CIB2: variants seen among roughly 807,000 people sequenced by gnomAD.
CIB2 encodes calcium and integrin-binding family member 2.
A neutral mutation model predicts 23.1 loss-of-function variants in CIB2; 19 were observed. The observed-to-expected ratio is 0.82, with a 90% confidence interval of 0.57 to 1.21. CIB2 has a LOEUF of 1.21. Among genes scored for constraint, CIB2 ranks in the 50% most tolerant of loss-of-function variants. The pLI is 0.00. For synonymous variants in CIB2, 94 were observed against 91.7 expected, an observed-to-expected ratio of 1.03 and a Z score of -0.14; for missense variants, 220 against 241.5, an observed-to-expected ratio of 0.91 and a Z score of 0.59.
At chr15:78,128,906 G>A (rs2074416943) in intron 1 of CIB2, among the ~76,000 whole-genome samples, 1 of 152,170 alleles carries the variant, frequency 6.6e-6, no homozygotes, top group Non-Finnish European at 1.5e-5. Flanking sequence ...CTGAGTCACA[G>A]GCCTTGTTCT....
At chr15:78,117,246 C>CAAAAAAAAAAAAA (rs60332437) in intron 2 of CIB2, among the ~76,000 whole-genome samples, 1,525 of 55,246 alleles carry the variant, frequency 0.028, 278 homozygotes, top group East Asian at 0.14. Flanking sequence ...AAGCTACTGG[C>CAAAAAAAAAAAAA]AAAAAAAAAA....
intron 4 of CIB2, among the ~76,000 whole-genome samples, chr15:78,107,641 C>A (rs920108668): frequency 1.2e-4 from 18 of 152,312 alleles, no homozygotes; most frequent in Admixed American, 2.6e-4. Context: ...TGTGCCCACC[C>A]GGTCCATGCG....
intron 1 of CIB2, among the ~76,000 whole-genome samples, chr15:78,126,782 C>G (rs372534880): frequency 4.6e-5 from 7 of 152,202 alleles, no homozygotes; most frequent in African/African-American, 1.7e-4. Flanking sequence ...GTTTTAACAT[C>G]ACTGACAAAA....
chr15:78,123,261 T>C (rs1464416972), intron 2 of CIB2, among the ~76,000 whole-genome samples: 2 of 152,030 alleles, frequency 1.3e-5, no homozygotes, highest in African/African-American at 2.4e-5. Context: ...GGACCCCTGG[T>C]CTAACAGACA....
intron 1 of CIB2, among the ~76,000 whole-genome samples, chr15:78,126,718 G>A (rs2074386341): frequency 6.6e-6 from 1 of 152,176 alleles, no homozygotes; most frequent in Admixed American, 6.5e-5. Context: ...CAGAGTCCCT[G>A]CCTAGTCTTA....
chr15:78,125,895 C>A (rs78582832), intron 1 of CIB2, among the ~76,000 whole-genome samples: 3,836 of 152,244 alleles, frequency 0.025, 168 homozygotes, highest in African/African-American at 0.089. Flanking sequence ...GTGGTCCCAA[C>A]GTGCAACCCA....
At position 78,110,836 on chromosome 15, in the gene CIB2, A is replaced by AG. The variant is rs566402401; in HGVS notation, c.198+328_198+329insC. The stretch of plus-strand genomic sequence containing the variant: ...CTCAGTGAGAAGCCACAGCCAGACA[A>AG]CGGGGAGACAGAAAAGTTATCTAAC... On this transcript the variant is annotated intron_variant, in intron 3 of 5. Coordinates refer to ENST00000258930, the MANE Select transcript of CIB2 (RefSeq NM_006383.4). The AG allele has an allele frequency of 1.4e-4, 67 of 475,026 alleles. No homozygotes were observed. In the East Asian group the frequency reaches 4.1e-3, roughly 29 times the overall value. The allele number at this position is 475,026 out of a possible 1,614,324, so 29.4% of individuals were successfully genotyped here.
intron 1 of CIB2, among the ~76,000 whole-genome samples, chr15:78,126,785 T>A (rs1354613273): frequency 7.9e-5 from 12 of 152,222 alleles, no homozygotes; most frequent in Admixed American, 7.9e-4. Context: ...TTAACATCAC[T>A]GACAAAACTG....
At chr15:78,120,149 C>T (rs985797271) in intron 2 of CIB2, among the ~76,000 whole-genome samples, 1 of 152,104 alleles carries the variant, frequency 6.6e-6, no homozygotes, top group African/African-American at 2.4e-5. Flanking sequence ...TGTAATCCAC[C>T]GGCCTCGGCC....
Position 78,109,192 on chromosome 15 carries a change from T to TA in CIB2, c.346+42_346+43insT. 3.2e-6 allele frequency: 4 copies of TA among 1,241,540 alleles called. No individual in the cohort carries two copies. In the South Asian group the frequency reaches 4.0e-5, roughly 12 times the overall value. The allele number at this position is 1,241,540 out of a possible 1,614,324, so 76.9% of individuals were successfully genotyped here. The stretch of plus-strand genomic sequence containing the variant: ...CAGACAGCCTAAGGGCCCCACATGT[T>TA]CCCCCACCGCATATTCAGGCCCCCT... On this transcript the variant is annotated intron_variant, in intron 4 of 5. Coordinates refer to ENST00000258930, the MANE Select transcript of CIB2 (RefSeq NM_006383.4).
At chr15:78,112,410 GA>G (rs371070218) in intron 2 of CIB2, among the ~76,000 whole-genome samples, 3,784 of 150,868 alleles carry the variant, frequency 0.025, 161 homozygotes, top group African/African-American at 0.088. Flanking sequence ...CTACAAAAAT[GA>G]AAAAAAAATT....
intron 2 of CIB2, among the ~76,000 whole-genome samples, chr15:78,121,799 C>T (rs551935697): frequency 2.0e-5 from 3 of 152,204 alleles, no homozygotes; most frequent in Admixed American, 1.3e-4. Flanking sequence ...TTCTTTATAG[C>T]AGCATGAGAA....
chr15:78,124,168 G>T (rs1015250774), intron 1 of CIB2, among the ~76,000 whole-genome samples: 1 of 152,262 alleles, frequency 6.6e-6, no homozygotes, highest in East Asian at 1.9e-4. Context: ...CTGTAGCCCT[G>T]AGCATGGTGC....
chr15:78,121,363 G>A (rs139934836), intron 2 of CIB2, among the ~76,000 whole-genome samples: 1 of 152,152 alleles, frequency 6.6e-6, no homozygotes, highest in African/African-American at 2.4e-5. Flanking sequence ...GAGGGGTGCA[G>A]GCCAGGGCTG....
chr15:78,115,328 G>C (rs2074222278), intron 2 of CIB2, among the ~76,000 whole-genome samples: 1 of 152,026 alleles, frequency 6.6e-6, no homozygotes. Context: ...CGCAATCTTG[G>C]CTCACTGCAA....
intron 1 of CIB2, among the ~76,000 whole-genome samples, chr15:78,125,474 C>A (rs889805019): frequency 1.3e-5 from 2 of 152,128 alleles, no homozygotes; most frequent in Non-Finnish European, 2.9e-5. Flanking sequence ...AAGGAACTAT[C>A]CAGGTCCTGA....
intron 1 of CIB2, among the ~76,000 whole-genome samples, chr15:78,128,169 C>T (rs1322208778): frequency 6.6e-6 from 1 of 152,192 alleles, no homozygotes; most frequent in Non-Finnish European, 1.5e-5. Flanking sequence ...GTCAGGCTCC[C>T]TGAGTACTCC....
At position 78,109,300 on chromosome 15, in the gene CIB2, A is replaced by G. The variant is rs1196823557; in HGVS notation, c.281T>C (p.Met94Thr). 6.2e-7 allele frequency: 1 copy of G among 1,612,634 alleles called. No individual in the cohort carries two copies. Among genetic ancestry groups the G allele is most frequent in the South Asian group, 1.1e-5 (1 of 91,000 alleles). ...GNLTFNDFVD[M>T]FSVLCESAPR... ...AGCCGACTCGCAGAGCACGGAAAAC[A>G]TGTCCACAAAGTCGTTGAAAGTGAG... is the stretch of plus-strand genomic sequence containing the variant. Residue 94 changes from methionine to threonine, a missense_variant, in exon 4 of 6, where the codon ATG becomes ACG. By Grantham distance (81) the Met-to-Thr change is moderately conservative. Coordinates refer to ENST00000258930, the MANE Select transcript of CIB2 (RefSeq NM_006383.4).
At chr15:78,111,032 G>T in intron 3 of CIB2, 133 bp downstream of exon 3, 4 of 758,362 alleles carry the variant, frequency 5.3e-6, no homozygotes, top group Non-Finnish European at 9.4e-6. Flanking sequence ...CTGAGGCACA[G>T]AGAGGTTCTG....
Sources: allele counts gnomAD v4.1 joint callset (sites outside exome capture counted in the v4.1 genomes callset), GRCh38; gene constraint gnomAD v4.1.1; transcripts MANE v1.5; gene names NCBI Gene and HGNC (gene_info 2026-07-23, HGNC 2026-07-21).